LRP1B: variants seen among roughly 807,000 people sequenced by gnomAD.
The protein encoded by LRP1B is LDL receptor related protein 1B.
Under a neutral mutation model 556.6 loss-of-function variants are expected in LRP1B, and 217 were observed. The ratio of observed to expected loss-of-function variants is 0.39; its 90% CI spans 0.35 to 0.44. LRP1B has a LOEUF of 0.44. LRP1B is among the 20% of genes least tolerant of loss of function. The pLI is 1.00. For synonymous variants in LRP1B, 2,047 were observed against 1,865.8 expected (o/e 1.10, Z -2.50); for missense variants, 5,053 against 5,620.8 (o/e 0.90, Z 3.23).
chr2:142,002,693 G>T (rs1213669726), intron 1 of LRP1B, among the ~76,000 whole-genome samples: 1 of 151,970 alleles, frequency 6.6e-6, no homozygotes, highest in East Asian at 1.9e-4. Context: ...CCTATAAAAA[G>T]TGAGCGTCAA....
chr2:140,980,000 T>C (rs1363850636), intron 18 of LRP1B, among the ~76,000 whole-genome samples: 1 of 152,104 alleles, frequency 6.6e-6, no homozygotes, highest in African/African-American at 2.4e-5. Context: ...AGTTTGCTGG[T>C]ATAGTTATTA....
intron 2 of LRP1B, among the ~76,000 whole-genome samples, chr2:141,721,086 A>T (rs980460187): frequency 1.3e-5 from 2 of 152,134 alleles, no homozygotes; most frequent in Non-Finnish European, 2.9e-5. Context: ...ATTCAATAAT[A>T]CATATGGCAT....
chr2:140,494,740 C>A (rs1688844689), intron 56 of LRP1B, among the ~76,000 whole-genome samples: 1 of 149,272 alleles, frequency 6.7e-6, no homozygotes, highest in East Asian at 2.0e-4. Flanking sequence ...AAGTTTTAAC[C>A]CATTAAAAAA....
chr2:141,237,893 G>GTTTA (rs1200442153), intron 5 of LRP1B, among the ~76,000 whole-genome samples: 5 of 152,114 alleles, frequency 3.3e-5, no homozygotes, highest in African/African-American at 1.2e-4. Flanking sequence ...CGTGGCAAGT[G>GTTTA]TTTAGTACAT....
rs370843842 is a variant in LRP1B, at chr2:142,090,560, C to T, written c.82+40088G>A. On this transcript the variant is annotated intron_variant, in intron 1 of 90. Coordinates refer to ENST00000389484, the MANE Select transcript of LRP1B (RefSeq NM_018557.3). ...GACTTCAATTTACAGATGTATACAA[C>T]GCTGGAAACAAAAATACTCCAAATA... 7.2e-5 allele frequency among the ~76,000 whole-genome samples: 11 copies of T among 152,168 alleles called. No homozygotes were observed. In the South Asian group the frequency reaches 1.2e-3, roughly 17 times the overall value.
chr2:140,967,521 T>A (rs1462710145), intron 18 of LRP1B, among the ~76,000 whole-genome samples: 2 of 152,146 alleles, frequency 1.3e-5, no homozygotes, highest in African/African-American at 2.4e-5. Flanking sequence ...CCTAAATGAA[T>A]GCCCTTTATT....
intron 15 of LRP1B, among the ~76,000 whole-genome samples, chr2:141,003,609 C>T (rs932557859): frequency 1.1e-4 from 17 of 152,096 alleles, no homozygotes; most frequent in African/African-American, 4.1e-4. Context: ...TGCCTGCCAC[C>T]ATCCATGTAA....
intron 1 of LRP1B, among the ~76,000 whole-genome samples, chr2:141,838,019 G>C (rs922557594): frequency 6.6e-6 from 1 of 152,104 alleles, no homozygotes; most frequent in African/African-American, 2.4e-5. Flanking sequence ...GTGGAGCCGG[G>C]TAGGGTCCCG....
intron 1 of LRP1B, among the ~76,000 whole-genome samples, chr2:141,919,091 C>A (rs1349160805): frequency 1.3e-5 from 2 of 151,820 alleles, no homozygotes; most frequent in African/African-American, 4.8e-5. Flanking sequence ...AAATAAATGC[C>A]CTCTGTGAAT....
intron 18 of LRP1B, among the ~76,000 whole-genome samples, chr2:140,953,541 CA>C (rs1362292213): frequency 6.6e-6 from 1 of 152,112 alleles, no homozygotes; most frequent in Non-Finnish European, 1.5e-5. Flanking sequence ...TAAATATTTT[CA>C]AATTGTATTC....
chr2:141,176,893 T>A (rs182904225), intron 7 of LRP1B, among the ~76,000 whole-genome samples: 2,388 of 152,112 alleles, frequency 0.016, 25 homozygotes, highest in Middle Eastern at 0.041. Context: ...TACAAAAAAA[T>A]AAAATAAAAT....
chr2:140,763,048 T>A (rs1180193183), intron 35 of LRP1B, among the ~76,000 whole-genome samples: 1 of 152,150 alleles, frequency 6.6e-6, no homozygotes, highest in Non-Finnish European at 1.5e-5. Context: ...ACTCTAAGTA[T>A]CAGAGTATGG....
chr2:141,044,565 A>G (rs1481176486), intron 11 of LRP1B, among the ~76,000 whole-genome samples: 5 of 150,608 alleles, frequency 3.3e-5, no homozygotes, highest in Non-Finnish European at 7.4e-5. Context: ...AACTCAAACA[A>G]ATTTACAAGA....
At chr2:140,919,644 T>A (rs1055369732) in intron 21 of LRP1B, among the ~76,000 whole-genome samples, 3 of 152,070 alleles carry the variant, frequency 2.0e-5, no homozygotes, top group Non-Finnish European at 4.4e-5. Flanking sequence ...CTCAGTAAGG[T>A]ACTCAGCTTT....
At chr2:140,918,216 G>A (rs1363806891) in intron 21 of LRP1B, among the ~76,000 whole-genome samples, 1 of 146,732 alleles carries the variant, frequency 6.8e-6, no homozygotes, top group Non-Finnish European at 1.5e-5. Context: ...GTGTGTGTGT[G>A]TGTAGAGAAT....
chr2:140,358,686 G>T, intron 73 of LRP1B, 135 bp downstream of exon 73: 1 of 904,014 alleles, frequency 1.1e-6, no homozygotes, highest in Non-Finnish European at 1.7e-6. Context: ...TTTATACCTT[G>T]TCAGAAGATC....
chr2:141,522,888 C>A (rs1684574240), intron 2 of LRP1B, among the ~76,000 whole-genome samples: 1 of 152,134 alleles, frequency 6.6e-6, no homozygotes, highest in African/African-American at 2.4e-5. Context: ...TTCCATCCAG[C>A]CAGAGAACCT....
intron 66 of LRP1B, among the ~76,000 whole-genome samples, chr2:140,433,724 A>C (rs1203398448): frequency 6.6e-6 from 1 of 152,178 alleles, no homozygotes; most frequent in East Asian, 1.9e-4. Flanking sequence ...TGAGTAAAAC[A>C]TACAGTTCAC....
At chr2:140,364,255 C>T (rs1682649938) in intron 72 of LRP1B, among the ~76,000 whole-genome samples, 1 of 151,488 alleles carries the variant, frequency 6.6e-6, no homozygotes, top group African/African-American at 2.4e-5. Context: ...TAGTGGGTGG[C>T]TTGTGAAACT....
Sources: gnomAD v4.1 joint callset for allele counts (sites outside exome capture counted in the v4.1 genomes callset) on GRCh38, gnomAD v4.1.1 for gene constraint, MANE v1.5 for transcripts, NCBI Gene and HGNC (gene_info 2026-07-23, HGNC 2026-07-21) for gene names.